The following SGCZ variants were observed in gnomAD, a reference collection of about 807,000 sequenced individuals.
SGCZ encodes the protein zeta-sarcoglycan.
A neutral mutation model predicts 41.3 loss-of-function variants in SGCZ; 40 were observed. The observed-to-expected ratio is 0.97, with a 90% CI of 0.75 to 1.26. The LOEUF (loss-of-function observed/expected upper bound fraction) is 1.26, where lower values mean the gene tolerates loss of function less well. Among genes scored for constraint, SGCZ ranks in the 50% most tolerant of loss-of-function variants. The probability of loss-of-function intolerance (pLI) is 0.00; values close to 1 mark genes in which losing one functional copy is unlikely to be tolerated. For missense variants in SGCZ, 552 were observed against 369.8 expected (o/e 1.49, Z -4.04); for synonymous variants, 206 against 137.5 (o/e 1.50, Z -3.49).
chr8:14,631,979 G>C (rs1009474763), intron 1 of SGCZ, among the ~76,000 whole-genome samples: 2 of 152,000 alleles, frequency 1.3e-5, no homozygotes, highest in African/African-American at 2.4e-5. Flanking sequence ...TATTACAATA[G>C]AAACATTTTA....
chr8:14,292,258 A>C (rs1217542374), intron 3 of SGCZ, among the ~76,000 whole-genome samples: 1 of 152,012 alleles, frequency 6.6e-6, no homozygotes, highest in Non-Finnish European at 1.5e-5. Context: ...GTACATATAC[A>C]AGTGTGATGG....
At chr8:14,156,510 A>T (rs982420993) in intron 5 of SGCZ, among the ~76,000 whole-genome samples, 5 of 152,136 alleles carry the variant, frequency 3.3e-5, no homozygotes, top group African/African-American at 1.2e-4. Context: ...TTCTTTCTTC[A>T]ACAATAACCT....
chr8:15,192,103 C>A lies in SGCZ; in HGVS notation c.39+45482G>T, dbSNP rs12550336. On this transcript the variant is annotated intron_variant, in intron 1 of 7. Coordinates refer to ENST00000382080, the MANE Select transcript of SGCZ (RefSeq NM_139167.4). Reference sequence around the variant, plus strand: ...AGTGTTTTTACTTCTGTTATGGTAACCCCTCCCCCAGTAATGGGAATATTC... The same window carrying A: ...AGTGTTTTTACTTCTGTTATGGTAAACCCTCCCCCAGTAATGGGAATATTC... 0.039 allele frequency among the ~76,000 whole-genome samples: 5,865 copies of A among 152,060 alleles called. 686 individuals are homozygous for A. In the East Asian group the frequency reaches 0.42, roughly 11 times the overall value.
intron 1 of SGCZ, among the ~76,000 whole-genome samples, chr8:15,201,223 G>T (rs1293904587): frequency 6.6e-6 from 1 of 152,084 alleles, no homozygotes; most frequent in Non-Finnish European, 1.5e-5. Context: ...CACCATGTTG[G>T]CCGGGCTGGT....
In SGCZ at chr8:14,599,833, A is replaced by G. The variant is rs144615666; in HGVS notation, c.40-44907T>C. Among the ~76,000 whole-genome samples the G allele has an allele frequency of 8.2e-3, 1,253 of 152,102 alleles. 11 individuals are homozygous for G. The highest frequency in any genetic ancestry group is 0.013 in the Non-Finnish European group (884 of 67,988). Reference sequence around the variant, plus strand: ...CTAGCATTTTATAAACATGCAATATATTTTTCCATCATACAAACAAAAGAC... The same window carrying G: ...CTAGCATTTTATAAACATGCAATATGTTTTTCCATCATACAAACAAAAGAC... On this transcript the variant is annotated intron_variant, in intron 1 of 7. Coordinates refer to ENST00000382080, the MANE Select transcript of SGCZ (RefSeq NM_139167.4).
chr8:14,256,128 T>C (rs980433076), intron 3 of SGCZ, among the ~76,000 whole-genome samples: 3 of 152,178 alleles, frequency 2.0e-5, no homozygotes, highest in Non-Finnish European at 2.9e-5. Context: ...ACTTGATAGA[T>C]GGCAGAAGCA....
chr8:15,042,263 C>T (rs1804128169), intron 1 of SGCZ, among the ~76,000 whole-genome samples: 1 of 152,156 alleles, frequency 6.6e-6, no homozygotes, highest in Non-Finnish European at 1.5e-5. Context: ...CAGAAGAAAG[C>T]TAATGCCTAG....
intron 1 of SGCZ, among the ~76,000 whole-genome samples, chr8:14,801,971 G>A (rs1801335077): frequency 6.6e-6 from 1 of 152,182 alleles, no homozygotes; most frequent in African/African-American, 2.4e-5. Flanking sequence ...ATGTTTTCTA[G>A]CAAAGCTCAG....
chr8:14,192,675 GAAGT>G (rs1272785174), intron 4 of SGCZ, among the ~76,000 whole-genome samples: 8 of 151,938 alleles, frequency 5.3e-5, no homozygotes, highest in Non-Finnish European at 1.0e-4. Context: ...TGTTGTCATT[GAAGT>G]AGTTTCTCAA....
intron 4 of SGCZ, 41 bp downstream of exon 4, chr8:14,237,551 A>C (rs763809269): frequency 6.4e-7 from 1 of 1,558,302 alleles, no homozygotes; most frequent in Non-Finnish European, 8.8e-7. Flanking sequence ...AACAAAAAAA[A>C]CCAAGCACAG....
chr8:14,427,474 C>T (rs959286792), intron 2 of SGCZ, among the ~76,000 whole-genome samples: 17 of 151,988 alleles, frequency 1.1e-4, no homozygotes. Context: ...TTATCTTTCT[C>T]CCGGTATATT....
chr8:14,212,467 C>CAAAAAAAA (rs33947419), intron 4 of SGCZ, among the ~76,000 whole-genome samples: 1 of 97,982 alleles, frequency 1.0e-5, no homozygotes, highest in Non-Finnish European at 2.1e-5. Flanking sequence ...ATGCAAAAGA[C>CAAAAAAAA]AAAAAAAAAA....
intron 3 of SGCZ, among the ~76,000 whole-genome samples, chr8:14,308,801 G>A (rs923677769): frequency 1.3e-4 from 20 of 152,082 alleles, no homozygotes; most frequent in African/African-American, 4.3e-4. Context: ...ATCAGAAACA[G>A]TGATGGTCTA....
intron 1 of SGCZ, among the ~76,000 whole-genome samples, chr8:14,630,592 A>C (rs928073370): frequency 4.6e-5 from 7 of 152,088 alleles, no homozygotes; most frequent in African/African-American, 1.7e-4. Flanking sequence ...TTGCGGCACT[A>C]TTCACAATAG....
intron 2 of SGCZ, among the ~76,000 whole-genome samples, chr8:14,545,016 C>G (rs1803581357): frequency 6.6e-6 from 1 of 152,126 alleles, no homozygotes; most frequent in African/African-American, 2.4e-5. Context: ...GTCTGAAACT[C>G]AGGCGAGCAT....
At chr8:14,139,219 TA>T (rs201859370) in intron 5 of SGCZ, among the ~76,000 whole-genome samples, 1,778 of 152,230 alleles carry the variant, frequency 0.012, 31 homozygotes, top group African/African-American at 0.04. Context: ...TTTATAGCAC[TA>T]AAAGCCTACA....
At chr8:15,064,202 A>T (rs1266145618) in intron 1 of SGCZ, among the ~76,000 whole-genome samples, 3 of 152,154 alleles carry the variant, frequency 2.0e-5, no homozygotes, top group Non-Finnish European at 4.4e-5. Context: ...TTGCATCTGA[A>T]TACTTCCGGG....
chr8:15,127,259 CAA>C (rs1316180944), intron 1 of SGCZ, among the ~76,000 whole-genome samples: 22 of 3,538 alleles, frequency 6.2e-3, no homozygotes, highest in African/African-American at 0.016. Flanking sequence ...CACACACAAA[CAA>C]ACACACACAC....
chr8:14,320,433 C>A (rs548444111), intron 3 of SGCZ, among the ~76,000 whole-genome samples: 1 of 150,746 alleles, frequency 6.6e-6, no homozygotes, highest in East Asian at 1.9e-4. Flanking sequence ...TGACTGAATT[C>A]TTTTATTATT....
Sources: gnomAD v4.1 joint callset for allele counts (sites outside exome capture counted in the v4.1 genomes callset) on GRCh38, gnomAD v4.1.1 for gene constraint, MANE v1.5 for transcripts, NCBI Gene and HGNC (gene_info 2026-07-23, HGNC 2026-07-21) for gene names.